The following TAF1 variants were observed in gnomAD, a reference collection of about 807,000 sequenced individuals.
TAF1 encodes the protein transcription initiation factor TFIID subunit 1.
TAF1 carries 2 observed loss-of-function variants against 138.5 expected under a neutral mutation model. The observed-to-expected ratio is 0.01, with a 90% confidence interval of 0.01 to 0.05. TAF1 has a LOEUF of 0.05. Among genes scored for constraint, TAF1 ranks in the 10% least tolerant of loss-of-function variants. The probability of loss-of-function intolerance (pLI) is 1.00; values close to 1 mark genes in which losing one functional copy is unlikely to be tolerated. For synonymous variants in TAF1, 437 were observed against 503.2 expected, an observed-to-expected ratio of 0.87 and a Z score of 1.76; for missense variants, 709 against 1,478.0, an observed-to-expected ratio of 0.48 and a Z score of 8.53.
At chrX:71,377,571 T>C (rs760325224) in intron 5 of TAF1, 32 bp from the exon 6 acceptor site, 1 of 1,189,686 alleles carries the variant, frequency 8.4e-7, no homozygotes, top group African/African-American at 1.8e-5. Flanking sequence ...TGACTTTGAG[T>C]CTGTGTCATA....
intron 13 of TAF1, among the ~76,000 whole-genome samples, chrX:71,475,225 G>A (rs1264752468): frequency 9.0e-6 from 1 of 111,388 alleles, no homozygotes; most frequent in Admixed American, 9.7e-5. Context: ...AAGTTACGGA[G>A]ATGAGATCAG....
chrX:71,484,374 C>A (rs2039135047), intron 13 of TAF1, among the ~76,000 whole-genome samples: 1 of 107,815 alleles, frequency 9.3e-6, no homozygotes, highest in Non-Finnish European at 1.9e-5. Context: ...GCTCTGTCAC[C>A]CAAGCTGGAG....
intron 32 of TAF1, among the ~76,000 whole-genome samples, chrX:71,426,325 A>G (rs752305086): frequency 1.2e-4 from 13 of 110,933 alleles, no homozygotes; most frequent in East Asian, 2.9e-4. Flanking sequence ...TGAAAGATCA[A>G]TGGTGTTTAC....
At chrX:71,500,431 T>C (rs1374220032) in intron 13 of TAF1, among the ~76,000 whole-genome samples, 46 of 99,449 alleles carry the variant, frequency 4.6e-4, no homozygotes, top group African/African-American at 9.8e-4. Flanking sequence ...TTGGTCTCAA[T>C]GGCTTAGGAT....
chrX:71,527,409 A>G (rs1480425057), intron 13 of TAF1, among the ~76,000 whole-genome samples: 1 of 110,152 alleles, frequency 9.1e-6, no homozygotes, highest in Non-Finnish European at 1.9e-5. Flanking sequence ...AAAAAAGAAA[A>G]GAAAAATTTC....
chrX:71,529,618 A>G, intron 14 of TAF1: 2 of 317,674 alleles, frequency 6.3e-6, no homozygotes, highest in Non-Finnish European at 1.2e-5. Context: ...GTCTTGAGGC[A>G]TAAGTCCAAT....
At chrX:71,388,094 C>T (rs1006214141) in intron 15 of TAF1, 143 bp from the exon 16 acceptor site, 10 of 876,500 alleles carry the variant, frequency 1.1e-5, no homozygotes, top group South Asian at 2.8e-5. Context: ...AGCGAGACTC[C>T]GTCTCAGAAA....
At chrX:71,473,476 T>A (rs747675703) in intron 13 of TAF1, among the ~76,000 whole-genome samples, 1 of 110,456 alleles carries the variant, frequency 9.1e-6, no homozygotes, top group Non-Finnish European at 1.9e-5. Flanking sequence ...TTTGAGACGT[T>A]GCCATAGTGA....
chrX:71,529,094 CAG>C (rs1183568313), intron 14 of TAF1, among the ~76,000 whole-genome samples: 1 of 102,253 alleles, frequency 9.8e-6, no homozygotes, highest in African/African-American at 3.6e-5. Flanking sequence ...TTTTTTGAGA[CAG>C]AGTCTCGCTC....
At chrX:71,518,692 CTTTTTTTTTTT>C (rs41486346) in intron 13 of TAF1, among the ~76,000 whole-genome samples, 1 of 79,199 alleles carries the variant, frequency 1.3e-5, no homozygotes, top group Non-Finnish European at 2.5e-5. Flanking sequence ...TCTTTTCTTT[CTTTTTTTTTTT>C]TTTTTTTTTT....
chrX:71,458,497 C>T (rs1037238674), intron 35 of TAF1, 131 bp downstream of exon 35: 2 of 926,103 alleles, frequency 2.2e-6, no homozygotes, highest in Non-Finnish European at 2.9e-6. Flanking sequence ...GGAATGAAAG[C>T]TTAGAAATGG....
chrX:71,529,892 A>G (rs2040071987), exon 15 of TAF1: 2 of 253,506 alleles, frequency 7.9e-6, no homozygotes, highest in South Asian at 8.1e-5. Context: ...GAGCTCTCAC[A>G]TCTTTAAAGA....
At chrX:71,393,621 A>G in intron 21 of TAF1, 145 bp downstream of exon 21, 2 of 870,812 alleles carry the variant, frequency 2.3e-6, no homozygotes, top group Non-Finnish European at 3.0e-6. Context: ...ATATGTTTGT[A>G]ATCCCACCAC....
chrX:71,412,735 G>A lies in TAF1; in HGVS notation c.4384+4584G>A, dbSNP rs767349889. On this transcript the variant is annotated intron_variant, in intron 28 of 37. Coordinates refer to ENST00000423759, the MANE Select transcript of TAF1 (RefSeq NM_004606.5). ...GCCAAGTAGCTAGGGCTATAGGCGC[G>A]TGCCACCCACGCCTGGCTAATTTTT... Among the ~76,000 whole-genome samples, 10 of 111,556 alleles carry A rather than the reference G, an allele frequency of 9.0e-5. No homozygotes were observed. In the East Asian group the frequency reaches 2.5e-3, roughly 28 times the overall value.
In TAF1 at chrX:71,508,438, A is replaced by G. The variant is rs1357313740; in HGVS notation, c.1367-20104A>G. The stretch of plus-strand genomic sequence containing the variant: ...GACCCTGTCTCTACAAATAATAACA[A>G]TAATGATAATAACAAAATTAGCTTG... On this transcript the variant is annotated intron_variant and NMD_transcript_variant, in intron 13 of 14. Coordinates refer to the TAF1 transcript ENST00000373775. Among the ~76,000 whole-genome samples the G allele has an allele frequency of 2.8e-5, 3 of 106,729 alleles. No homozygotes were observed. The East Asian group carries it at 8.9e-4, about 32-fold the overall frequency. 92.7% of individuals were successfully genotyped at this position (106,729 alleles called of 115,157 possible).
intron 13 of TAF1, among the ~76,000 whole-genome samples, chrX:71,481,400 T>C (rs1278549477): frequency 8.9e-6 from 1 of 112,561 alleles, no homozygotes; most frequent in East Asian, 2.8e-4. Context: ...TCTATAGGTA[T>C]GGATGCTTAA....
Position 71,388,299 on chromosome X carries a change from T to C in TAF1, c.2490T>C (p.Asp830=), listed in dbSNP as rs1169339881. 8.3e-7 allele frequency: 1 copy of C among 1,211,608 alleles called. No homozygotes were observed. The highest frequency in any genetic ancestry group is 1.8e-5 in the South Asian group (1 of 56,943). ...KDRPRRIRME[D]IKKAFPSHSE... ...GGCCACGGAGGATACGAATGGAAGA[T>C]ATAAAAAAAGCCTTTCCTTCCCATT... Residue 830 remains aspartate (D), a synonymous_variant, in exon 16 of 38, where the codon GAT becomes GAC. Coordinates refer to ENST00000423759, the MANE Select transcript of TAF1 (RefSeq NM_004606.5).
At chrX:71,467,818 T>C (rs927658931), downstream of TAF1, among the ~76,000 whole-genome samples, 10 of 111,951 alleles carry the variant, frequency 8.9e-5, no homozygotes, top group Non-Finnish European at 1.7e-4. Flanking sequence ...GGACTACCTG[T>C]TTTCAAAACA....
At chrX:71,411,289 C>T (rs1239029454) in intron 28 of TAF1, among the ~76,000 whole-genome samples, 1 of 111,434 alleles carries the variant, frequency 9.0e-6, no homozygotes, top group Non-Finnish European at 1.9e-5. Flanking sequence ...ACCATGTTGG[C>T]CAGGCTGGTC....
Sources: gnomAD v4.1 joint callset for allele counts (sites outside exome capture counted in the v4.1 genomes callset) on GRCh38, gnomAD v4.1.1 for gene constraint, MANE v1.5 for transcripts, NCBI Gene and HGNC (gene_info 2026-07-23, HGNC 2026-07-21) for gene names.